Variants in ACLY observed in about 807,000 individuals in gnomAD.
ACLY encodes the protein ATP citrate lyase.
ACLY carries 41 observed loss-of-function variants against 133.0 expected under a neutral mutation model. The ratio of observed to expected loss-of-function variants is 0.31; its 90% CI spans 0.24 to 0.40. ACLY has a LOEUF of 0.40. ACLY is among the 10% of genes least tolerant of loss of function. ACLY has a pLI of 1.00. For synonymous variants in ACLY, 495 were observed against 549.3 expected, an observed-to-expected ratio of 0.90 and a Z score of 1.38; for missense variants, 1,046 against 1,453.8, an observed-to-expected ratio of 0.72 and a Z score of 4.56.
chr17:41,897,765 C>T lies in ACLY; in HGVS notation c.1413G>A (p.Lys471=). 1 of 1,611,460 alleles carries T rather than the reference C, an allele frequency of 6.2e-7. No individual in the cohort carries two copies. The highest frequency in any genetic ancestry group is 8.5e-7 in the Non-Finnish European group (1 of 1,179,024). Residue 471 remains lysine, a synonymous_variant, in exon 13 of 29, where the codon AAG becomes AAA. Coordinates refer to ENST00000352035, the MANE Select transcript of ACLY (RefSeq NM_001096.3). ...GGGAGTTACCTTGTGGCATGGCAGG[C>T]TTGGCCTTCTTTGCAGGCGCCACCT... ...ADEVAPAKKA[K]PAMPQDSVPS...
chr17:41,883,571 CT>C (rs1364905493), intron 19 of ACLY, among the ~76,000 whole-genome samples: 2 of 132,634 alleles, frequency 1.5e-5, no homozygotes, highest in Admixed American at 8.5e-5. Flanking sequence ...TTAAAAAGCG[CT>C]TTTTTTTTGC....
At chr17:41,915,534 G>A (rs1047259671) in intron 1 of ACLY, among the ~76,000 whole-genome samples, 5 of 152,080 alleles carry the variant, frequency 3.3e-5, no homozygotes, top group Admixed American at 1.3e-4. Context: ...TGCCTCTGTC[G>A]GCCTCCTAGC....
chr17:41,900,598 AC>A (rs1555631415), intron 11 of ACLY, among the ~76,000 whole-genome samples: 1 of 151,360 alleles, frequency 6.6e-6, no homozygotes. Flanking sequence ...GGTGGTGCAC[AC>A]CCGTGGTCCC....
intron 14 of ACLY, among the ~76,000 whole-genome samples, chr17:41,894,548 C>T (rs1182259096): frequency 6.6e-6 from 1 of 150,536 alleles, no homozygotes; most frequent in Non-Finnish European, 1.5e-5. Context: ...ATAGTGAGAC[C>T]CCACCTCAAA....
intron 10 of ACLY, among the ~76,000 whole-genome samples, chr17:41,902,416 A>T (rs1440058278): frequency 6.6e-6 from 1 of 152,124 alleles, no homozygotes; most frequent in Non-Finnish European, 1.5e-5. Flanking sequence ...GCTTCACCAT[A>T]TTGGTTAGGC....
chr17:41,907,136 G>A (rs538902488), intron 7 of ACLY, among the ~76,000 whole-genome samples: 5 of 152,186 alleles, frequency 3.3e-5, no homozygotes, highest in African/African-American at 9.6e-5. Flanking sequence ...AGTGAGACGC[G>A]GAGAGAATGA....
rs782724743 is a variant in ACLY, at chr17:41,893,158, G to T, written c.1476C>A (p.Leu492=). 1 of 1,613,584 alleles carries T rather than the reference G, an allele frequency of 6.2e-7. No individual in the cohort carries two copies. The change falls in exon 15 of 29, where the codon CTC becomes CTA. Residue 492 remains leucine (L), a synonymous_variant. Coordinates refer to ENST00000352035, the MANE Select transcript of ACLY (RefSeq NM_001096.3). ...PRSLQGKSTT[L]FSRHTKAIVW... ...CAATGGCCTTGGTGTGGCGGCTGAA[G>T]AGGGTGGTGCTCTTTCCTGGTGGGC...
At position 41,925,016 on chromosome 17, in the gene ACLY, T is replaced by A. The variant is rs143881677; in HGVS notation, c.-28+5342A>T. Among the ~76,000 whole-genome samples the A allele has an allele frequency of 3.7e-3, 526 of 142,182 alleles. 6 individuals carry two copies. The highest frequency in any genetic ancestry group is 0.013 in the African/African-American group (506 of 39,736). The allele number at this position is 142,182 out of a possible 152,430, so 93.3% of individuals were successfully genotyped here. A position where few individuals can be genotyped will look rare whatever the true frequency, so the allele number is the denominator to read the frequency against. On this transcript the variant is annotated intron_variant, in intron 1 of 3. Transcript: ENST00000592970. ...TTTACATATGACACGTTTAAACTTA[T>A]CTCTGAATGAGTTTATTATTATTAT...
At position 41,887,614 on chromosome 17, in the gene ACLY, G is replaced by C. The variant is rs1555628466; in HGVS notation, c.1860C>G (p.Ile620Met). ...GGAAGCTCACAGTGGCAGGTCCGATGATGGTCACTCCCTTCTGGTCCGCCT... is the reference window on the plus strand; with the variant it reads ...GGAAGCTCACAGTGGCAGGTCCGATCATGGTCACTCCCTTCTGGTCCGCCT... The part of the protein sequence containing the change: ...IKKADQKGVT[I>M]IGPATVGGIK... The change falls in exon 17 of 29, where the codon ATC becomes ATG. Residue 620 changes from isoleucine (I) to methionine (M), a missense_variant. Physicochemically the swap from Ile to Met is conservative, Grantham distance 10. Coordinates refer to ENST00000352035, the MANE Select transcript of ACLY (RefSeq NM_001096.3). The C allele has an allele frequency of 6.2e-7, 1 of 1,613,674 alleles. No homozygotes were observed. The highest frequency in any genetic ancestry group is 8.5e-7 in the Non-Finnish European group (1 of 1,179,796).
chr17:41,924,138 T>C (rs1313231167), intron 1 of ACLY, among the ~76,000 whole-genome samples: 1 of 139,894 alleles, frequency 7.1e-6, no homozygotes, highest in Non-Finnish European at 1.5e-5. Flanking sequence ...TTTTTATTTA[T>C]TTATTTTTTA....
At chr17:41,890,427 G>GT (rs1159214795) in intron 16 of ACLY, among the ~76,000 whole-genome samples, 1 of 151,912 alleles carries the variant, frequency 6.6e-6, no homozygotes, top group African/African-American at 2.4e-5. Context: ...GCTCACGCCT[G>GT]TAATCCCAGC....
At chr17:41,927,552 G>A (rs184572718) in intron 1 of ACLY, among the ~76,000 whole-genome samples, 4 of 152,218 alleles carry the variant, frequency 2.6e-5, no homozygotes, top group East Asian at 1.9e-4. Context: ...TAGACTAGGC[G>A]CAGTGGCTCA....
Position 41,909,595 on chromosome 17 carries a change from T to G in ACLY, c.451A>C (p.Lys151Gln). The G allele has an allele frequency of 1.2e-6, 2 of 1,614,180 alleles. No homozygotes were observed. Among genetic ancestry groups the G allele is most frequent in the Non-Finnish European group, 1.7e-6 (2 of 1,180,022 alleles). ...DVGDVDAKAQ[K>Q]LLVGVDEKLN... ...TTCTCATCCACGCCAACAAGCAGCT[T>G]CTGGGCCTTGGCGTCCACATCACCC... The change falls in exon 5 of 29, where the codon AAG becomes CAG. Residue 151 changes from lysine (K) to glutamine (Q), a missense_variant. Around this residue, in one of 4 missense-constraint regions of ACLY, gnomAD observed 227 missense variants for 245.6 expected, o/e 0.92. Coordinates refer to ENST00000352035, the MANE Select transcript of ACLY (RefSeq NM_001096.3).
At chr17:41,871,539 G>T (rs2048598066) in intron 25 of ACLY, 150 bp downstream of exon 25, 1 of 838,310 alleles carries the variant, frequency 1.2e-6, no homozygotes, top group East Asian at 2.6e-5. Context: ...ATTTTTAGTA[G>T]AGACGGGGTT....
intron 18 of ACLY, 105 bp downstream of exon 18, chr17:41,886,007 G>A (rs1243489996): frequency 1.7e-5 from 18 of 1,080,630 alleles, no homozygotes; most frequent in East Asian, 2.4e-5. Flanking sequence ...GCATTCCTGC[G>A]GGCCTGGAAC....
chr17:41,872,239 C>T (rs2144204874), intron 23 of ACLY, 57 bp from the exon 24 acceptor site: 1 of 1,527,972 alleles, frequency 6.5e-7, no homozygotes, highest in Non-Finnish European at 9.0e-7. Flanking sequence ...CTCGTACTTT[C>T]CCCCATCTCC....
intron 6 of ACLY, among the ~76,000 whole-genome samples, chr17:41,908,744 A>T (rs1415429368): frequency 6.6e-6 from 1 of 152,218 alleles, no homozygotes; most frequent in Non-Finnish European, 1.5e-5. Flanking sequence ...AGCCTGGGCG[A>T]CAGGGCAAGA....
Position 41,893,056 on chromosome 17 carries a change from C to A in ACLY, c.1578G>T (p.Val526=). 1 of 1,613,866 alleles carries A rather than the reference C, an allele frequency of 6.2e-7. No homozygotes were observed. Among genetic ancestry groups the A allele is most frequent in the Non-Finnish European group, 8.5e-7 (1 of 1,179,882 alleles). The change falls in exon 15 of 29, where the codon GTG becomes GTT. Residue 526 remains valine, a synonymous_variant. Transcript: ENST00000352035. The part of the protein sequence containing the change: ...DYVCSRDEPS[V]AAMVYPFTGD... ...ACGTGAAAGGGTAGACCATGGCAGC[C>A]ACTGAGGGCTCGTCTCGGGAGCAGA... is the stretch of plus-strand genomic sequence containing the variant.
intron 24 of ACLY, 69 bp from the exon 25 acceptor site, chr17:41,871,901 G>C: frequency 6.2e-7 from 1 of 1,604,174 alleles, no homozygotes; most frequent in Non-Finnish European, 8.5e-7. Context: ...AACCAACCCA[G>C]TGTGTCCCGA....
Sources: allele counts gnomAD v4.1 joint callset (sites outside exome capture counted in the v4.1 genomes callset), GRCh38; gene constraint gnomAD v4.1.1; regional missense constraint gnomAD v4.1.1; transcripts MANE v1.5; gene names NCBI Gene and HGNC (gene_info 2026-07-23, HGNC 2026-07-21).